Variants in SUGCT observed in about 807,000 individuals in gnomAD.
SUGCT encodes the protein succinyl-CoA:glutarate CoA-transferase.
A neutral mutation model predicts 55.0 loss-of-function variants in SUGCT; 41 were observed. The observed-to-expected ratio is 0.74, with a 90% CI of 0.58 to 0.97. The LOEUF is 0.97. Among genes scored for constraint, SUGCT ranks in the 50% least tolerant of loss-of-function variants. The pLI is 0.00. For synonymous variants in SUGCT, 187 were observed against 200.4 expected, an observed-to-expected ratio of 0.93 and a Z score of 0.56; for missense variants, 568 against 547.8, an observed-to-expected ratio of 1.04 and a Z score of -0.37.
At chr7:40,986,592 C>A in the SUGCT span, among the ~76,000 whole-genome samples, 3 of 152,190 alleles carry the variant, frequency 2.0e-5, no homozygotes, top group African/African-American at 7.2e-5. Flanking sequence ...TCATTACTCT[C>A]TTCTGACGTG....
At chr7:40,932,117 C>A in the SUGCT span, among the ~76,000 whole-genome samples, 1 of 152,146 alleles carries the variant, frequency 6.6e-6, no homozygotes, top group Non-Finnish European at 1.5e-5. Flanking sequence ...GATTCTGGTA[C>A]ATTGTGTCTT....
At chr7:40,897,987 C>A in the SUGCT span, among the ~76,000 whole-genome samples, 8 of 152,286 alleles carry the variant, frequency 5.3e-5, no homozygotes, top group African/African-American at 1.9e-4. Flanking sequence ...CAACAGTGGC[C>A]ACCCGCTCAG....
At chr7:40,658,425 G>A (rs1267494610) in intron 12 of SUGCT, among the ~76,000 whole-genome samples, 2 of 152,020 alleles carry the variant, frequency 1.3e-5, no homozygotes, top group African/African-American at 2.4e-5. Flanking sequence ...TCCCAAACTC[G>A]GCTTAAAGTC....
At chr7:40,893,143 T>C in the SUGCT span, among the ~76,000 whole-genome samples, 1 of 152,136 alleles carries the variant, frequency 6.6e-6, no homozygotes, top group Non-Finnish European at 1.5e-5. Context: ...ATTATAAATA[T>C]ATATGCACCC....
the SUGCT span, among the ~76,000 whole-genome samples, chr7:40,989,634 G>T: frequency 3.3e-5 from 5 of 151,906 alleles, no homozygotes; most frequent in Non-Finnish European, 7.4e-5. Flanking sequence ...AGCTGGCCCT[G>T]GTGGTGTGGG....
At chr7:40,612,012 C>CCTTT (rs369198545) in intron 12 of SUGCT, among the ~76,000 whole-genome samples, 2 of 145,222 alleles carry the variant, frequency 1.4e-5, no homozygotes. Flanking sequence ...ATTCCCCCCC[C>CCTTT]TTTTTTTTTT....
intron 9 of SUGCT, among the ~76,000 whole-genome samples, chr7:40,347,509 A>T (rs565050468): frequency 6.6e-6 from 1 of 152,236 alleles, no homozygotes; most frequent in Admixed American, 6.5e-5. Context: ...CTGAATGCTT[A>T]TAGTAAAATG....
intron 6 of SUGCT, among the ~76,000 whole-genome samples, chr7:40,219,184 G>C (rs1251900234): frequency 6.6e-6 from 1 of 152,018 alleles, no homozygotes; most frequent in Non-Finnish European, 1.5e-5. Flanking sequence ...TGAAGTCAGC[G>C]AGACCAGGAT....
At chr7:40,217,009 T>TC (rs934849262) in intron 6 of SUGCT, among the ~76,000 whole-genome samples, 89 of 151,614 alleles carry the variant, frequency 5.9e-4, no homozygotes, top group Non-Finnish European at 9.3e-4. Flanking sequence ...TGCTGGCATT[T>TC]CCCCCCCCTC....
chr7:40,709,875 C>G (rs1399461723), intron 12 of SUGCT, among the ~76,000 whole-genome samples: 1 of 152,118 alleles, frequency 6.6e-6, no homozygotes, highest in Non-Finnish European at 1.5e-5. Flanking sequence ...GGGTGAAGCT[C>G]AAAGATTAAT....
chr7:40,819,702 T>G (rs934984829), intron 13 of SUGCT, among the ~76,000 whole-genome samples: 13 of 152,072 alleles, frequency 8.5e-5, no homozygotes, highest in East Asian at 1.9e-4. Flanking sequence ...CTCCCATTCT[T>G]TAGGTTGCCT....
At chr7:40,160,283 C>T (rs957116371) in intron 1 of SUGCT, among the ~76,000 whole-genome samples, 1 of 152,088 alleles carries the variant, frequency 6.6e-6, no homozygotes, top group African/African-American at 2.4e-5. Flanking sequence ...GGATGGAGTG[C>T]AGTGGTATGA....
chr7:40,178,644 C>A (rs1428188541), intron 1 of SUGCT, among the ~76,000 whole-genome samples: 9 of 151,634 alleles, frequency 5.9e-5, no homozygotes, highest in Admixed American at 5.9e-4. Flanking sequence ...CTGCTTTTTT[C>A]TCCCTAGAAA....
chr7:40,385,867 T>G (rs1262207563), intron 9 of SUGCT, among the ~76,000 whole-genome samples: 1 of 152,348 alleles, frequency 6.6e-6, no homozygotes, highest in South Asian at 2.1e-4. Context: ...TCACTTTATA[T>G]AGCATTGCAA....
intron 9 of SUGCT, among the ~76,000 whole-genome samples, chr7:40,361,297 A>G (rs1798140543): frequency 6.6e-6 from 1 of 152,018 alleles, no homozygotes; most frequent in Admixed American, 6.6e-5. Context: ...AAATTTGGTC[A>G]GGCGCGGTGG....
chr7:40,532,071 G>A (rs1352337162), intron 12 of SUGCT, among the ~76,000 whole-genome samples: 1 of 152,290 alleles, frequency 6.6e-6, no homozygotes, highest in Non-Finnish European at 1.5e-5. Flanking sequence ...CAGAAGCCTG[G>A]GAAGTAAGGG....
intron 12 of SUGCT, among the ~76,000 whole-genome samples, chr7:40,611,247 C>T (rs182003872): frequency 1.2e-4 from 19 of 152,270 alleles, no homozygotes; most frequent in Admixed American, 1.1e-3. Context: ...AATCTGTAAA[C>T]AGTCAGTCGT....
chr7:40,242,804 G>T (rs577712047), intron 7 of SUGCT, among the ~76,000 whole-genome samples: 1 of 149,936 alleles, frequency 6.7e-6, no homozygotes, highest in African/African-American at 2.5e-5. Context: ...AGGAAAGACC[G>T]TGGTCCTTGA....
At chr7:40,351,229 T>G (rs1797616862) in intron 9 of SUGCT, among the ~76,000 whole-genome samples, 1 of 152,110 alleles carries the variant, frequency 6.6e-6, no homozygotes, top group Non-Finnish European at 1.5e-5. Flanking sequence ...GTTTTAATTT[T>G]ATTTCTGTTT....
Sources: allele counts gnomAD v4.1 joint callset (sites outside exome capture counted in the v4.1 genomes callset), GRCh38; gene constraint gnomAD v4.1.1; transcripts MANE v1.5; gene names NCBI Gene and HGNC (gene_info 2026-07-23, HGNC 2026-07-21).